MBTD1: variants seen among roughly 807,000 people sequenced by gnomAD.
MBTD1 encodes mbt domain containing 1.
A neutral mutation model predicts 87.8 loss-of-function variants in MBTD1; 24 were observed. That is an observed-to-expected ratio of 0.27 (90% CI 0.20 to 0.38). The LOEUF (loss-of-function observed/expected upper bound fraction) is 0.38, where lower values mean the gene tolerates loss of function less well. MBTD1 is among the 10% of genes least tolerant of loss of function. The pLI is 1.00. For synonymous variants in MBTD1, 237 were observed against 248.6 expected (o/e 0.95, Z 0.44); for missense variants, 436 against 760.2 (o/e 0.57, Z 5.02).
intron 6 of MBTD1, among the ~76,000 whole-genome samples, chr17:51,217,084 T>C (rs1041937132): frequency 6.6e-6 from 1 of 152,120 alleles, no homozygotes; most frequent in Non-Finnish European, 1.5e-5. Flanking sequence ...TTAGTATTTA[T>C]AAGAGAAGAC....
chr17:51,208,444 C>T (rs2051979215), intron 6 of MBTD1, among the ~76,000 whole-genome samples: 1 of 152,142 alleles, frequency 6.6e-6, no homozygotes. Flanking sequence ...GCTATCTTTC[C>T]CCTATATCAT....
intron 2 of MBTD1, among the ~76,000 whole-genome samples, chr17:51,248,990 C>T (rs2054612811): frequency 1.3e-5 from 2 of 152,148 alleles, no homozygotes; most frequent in Non-Finnish European, 2.9e-5. Flanking sequence ...GTGGCTCACA[C>T]CTATAATCCC....
intron 4 of MBTD1, among the ~76,000 whole-genome samples, chr17:51,219,893 G>A (rs997547694): frequency 1.3e-5 from 2 of 152,086 alleles, no homozygotes; most frequent in Non-Finnish European, 2.9e-5. Flanking sequence ...AAATACATTT[G>A]GTCAATGTAT....
At position 51,202,034 on chromosome 17, in the gene MBTD1, A is replaced by G; in HGVS notation, c.1107T>C (p.His369=). Residue 369 remains histidine (H), a synonymous_variant, in exon 11 of 17, where the codon CAT becomes CAC. Coordinates refer to ENST00000586178, the MANE Select transcript of MBTD1 (RefSeq NM_017643.3). ...AAAAACTTCTTACCTTAGCAAATAAATGTGGTGGTGTATCAAAATGTCCAT... is the reference window on the plus strand; with the variant it reads ...AAAAACTTCTTACCTTAGCAAATAAGTGTGGTGGTGTATCAAAATGTCCAT... The part of the protein sequence containing the change: ...KQDGHFDTPP[H]LFAKVKEVDQ... The G allele has an allele frequency of 1.2e-6, 2 of 1,606,524 alleles. No homozygotes were observed. Among genetic ancestry groups the G allele is most frequent in the Non-Finnish European group, 1.7e-6 (2 of 1,173,932 alleles).
intron 3 of MBTD1, among the ~76,000 whole-genome samples, chr17:51,221,273 G>A (rs920054645): frequency 6.6e-6 from 1 of 152,096 alleles, no homozygotes; most frequent in Non-Finnish European, 1.5e-5. Flanking sequence ...ACTCTCGCCT[G>A]GACAACAGAA....
chr17:51,227,215 C>A (rs1327921011), intron 2 of MBTD1, among the ~76,000 whole-genome samples: 1 of 140,476 alleles, frequency 7.1e-6, no homozygotes, highest in Non-Finnish European at 1.5e-5. Context: ...GCATTCCAGC[C>A]TGGGTGACAG....
At chr17:51,242,710 C>T (rs1410548385) in intron 2 of MBTD1, among the ~76,000 whole-genome samples, 1 of 152,196 alleles carries the variant, frequency 6.6e-6, no homozygotes, top group African/African-American at 2.4e-5. Context: ...TGCCTCACCA[C>T]CCACCCTGTT....
In MBTD1 at chr17:51,194,459, A is replaced by T. The variant is rs2050969946; in HGVS notation, c.1372+755T>A. 1.3e-5 allele frequency among the ~76,000 whole-genome samples: 2 copies of T among 148,576 alleles called. 1 individual carries two copies. Among genetic ancestry groups the T allele is most frequent in the East Asian group, 4.0e-4 (2 of 4,950 alleles). ...GTGGTGCACACCTGTAATTCCAGCT[A>T]CTTGGGAGAGGAGGCACAAGAATCA... On this transcript the variant is annotated intron_variant, in intron 13 of 16. Coordinates refer to ENST00000586178, the MANE Select transcript of MBTD1 (RefSeq NM_017643.3).
At chr17:51,206,252 AT>A (rs1046500107) in intron 7 of MBTD1, among the ~76,000 whole-genome samples, 2 of 152,264 alleles carry the variant, frequency 1.3e-5, no homozygotes, top group Admixed American at 6.5e-5. Flanking sequence ...TCAATTTGGT[AT>A]TAAGGTTCTT....
chr17:51,218,543 AAAAAAAAAAAAAAT>A (rs1437228264), intron 5 of MBTD1, among the ~76,000 whole-genome samples: 1 of 151,396 alleles, frequency 6.6e-6, no homozygotes, highest in Non-Finnish European at 1.5e-5. Context: ...AAAAAAAAAA[AAAAAAAAAAAAAAT>A]CTATTGGAAA....
intron 2 of MBTD1, among the ~76,000 whole-genome samples, chr17:51,248,994 T>G (rs891824971): frequency 1.1e-4 from 17 of 151,866 alleles, no homozygotes; most frequent in African/African-American, 4.1e-4. Context: ...CTCACACCTA[T>G]AATCCCAGCA....
At chr17:51,209,457 T>C (rs1030986634) in intron 6 of MBTD1, 3 of 471,084 alleles carry the variant, frequency 6.4e-6, no homozygotes, top group Non-Finnish European at 1.3e-5. Context: ...CATCAGGTCC[T>C]GCAGGACATG....
chr17:51,203,285 T>A, intron 8 of MBTD1, 57 bp from the exon 9 acceptor site: 1 of 875,868 alleles, frequency 1.1e-6, no homozygotes, highest in Non-Finnish European at 1.7e-6. Context: ...CTTCATAAAT[T>A]ATTTGTTAAA....
chr17:51,219,416 G>A (rs2052758224), intron 4 of MBTD1, among the ~76,000 whole-genome samples: 1 of 152,140 alleles, frequency 6.6e-6, no homozygotes, highest in Non-Finnish European at 1.5e-5. Context: ...TATTTATATG[G>A]TAAGAGAAGA....
chr17:51,215,020 A>C (rs929405654), intron 6 of MBTD1, among the ~76,000 whole-genome samples: 1 of 152,254 alleles, frequency 6.6e-6, no homozygotes, highest in Admixed American at 6.5e-5. Context: ...AAATGGCTTC[A>C]AATGAATATG....
Position 51,204,474 on chromosome 17 carries a change from ATATT to A in MBTD1, c.605-553_605-550del, listed in dbSNP as rs542457457. 3.7e-4 allele frequency among the ~76,000 whole-genome samples: 53 copies of A among 141,494 alleles called. No individual in the cohort carries two copies. The South Asian group carries it at 8.6e-3, about 23-fold the overall frequency. The allele number at this position is 141,494 out of a possible 152,430, so 92.8% of individuals were successfully genotyped here. ...ATAAACATATAAAAATACATATTAT[ATATT>A]TATTTATATTATATATAATTATATA... is the stretch of plus-strand genomic sequence containing the variant. On this transcript the variant is annotated intron_variant, in intron 7 of 16. Transcript: ENST00000586178.
At chr17:51,192,715 T>G (rs1017017504) in intron 15 of MBTD1, 67 bp downstream of exon 15, 2 of 1,590,822 alleles carry the variant, frequency 1.3e-6, no homozygotes, top group Non-Finnish European at 1.7e-6. Context: ...AGATGACTTA[T>G]GTGAGATAGT....
Position 51,195,153 on chromosome 17 carries a change from C to CA in MBTD1, c.1372+60dup, listed in dbSNP as rs1198253056. ...CTAGGGCTGTGTTAAATGTTGTAAA[C>CA]AAAAACCATGTAAGAAGAAAGCAAC... On this transcript the variant is annotated intron_variant, in intron 13 of 16. Coordinates refer to ENST00000586178, the MANE Select transcript of MBTD1 (RefSeq NM_017643.3). 3 of 1,511,892 alleles carry CA rather than the reference C, an allele frequency of 2.0e-6. No individual in the cohort carries two copies. In the African/African-American group the frequency reaches 4.2e-5, roughly 21 times the overall value. The allele number at this position is 1,511,892 out of a possible 1,614,324, so 93.7% of individuals were successfully genotyped here.
At chr17:51,184,153 T>C (rs562724915) in intron 16 of MBTD1, 1 of 152,378 alleles carries the variant, frequency 6.6e-6, no homozygotes, top group East Asian at 1.9e-4. Flanking sequence ...AATGTTTTAA[T>C]GTAAAGTTTC....
Sources: allele counts gnomAD v4.1 joint callset (sites outside exome capture counted in the v4.1 genomes callset), GRCh38; gene constraint gnomAD v4.1.1; transcripts MANE v1.5; gene names NCBI Gene and HGNC (gene_info 2026-07-23, HGNC 2026-07-21).